The following DEAF1 variants were observed in gnomAD, a reference collection of about 807,000 sequenced individuals.
DEAF1 encodes deformed epidermal autoregulatory factor 1 homolog.
A neutral mutation model predicts 58.9 loss-of-function variants in DEAF1; 53 were observed. The observed-to-expected ratio is 0.90, with a 90% CI of 0.72 to 1.13. DEAF1 has a LOEUF of 1.13. DEAF1 is among the 50% of genes most tolerant of loss of function. The pLI is 0.00. For synonymous variants in DEAF1, 385 were observed against 340.4 expected (o/e 1.13, Z -1.44); for missense variants, 685 against 791.4 (o/e 0.87, Z 1.61).
At chr11:661,397 G>A (rs1366209940) in intron 10 of DEAF1, among the ~76,000 whole-genome samples, 1 of 151,242 alleles carries the variant, frequency 6.6e-6, no homozygotes, top group Non-Finnish European at 1.5e-5. Context: ...GGCTACATTT[G>A]ATTTTTTTTT....
chr11:667,254 G>GGCT (rs1004385122), intron 10 of DEAF1, among the ~76,000 whole-genome samples: 1 of 151,886 alleles, frequency 6.6e-6, no homozygotes, highest in African/African-American at 2.4e-5. Flanking sequence ...AGGAACTCAA[G>GGCT]GCTGCATTGA....
intron 1 of DEAF1, chr11:705,145 A>G (rs1055831491): frequency 3.2e-5 from 6 of 190,016 alleles, no homozygotes; most frequent in African/African-American, 1.4e-4. Flanking sequence ...TGCTCCGGCC[A>G]GCCCAGGGTA....
rs144890797 is a variant in DEAF1 at position 663,050 on chromosome 11, C to A, written c.1504-8999G>T. On this transcript the variant is annotated intron_variant, in intron 10 of 11. Transcript: ENST00000382409. ...CCTGGGGGCCAGAAGCAGGGGCTCA[C>A]GCCTAGAGTCCCAGCACTCTGGGAG... Among the ~76,000 whole-genome samples the A allele has an allele frequency of 3.3e-5, 5 of 152,222 alleles. No individual in the cohort carries two copies. In the South Asian group the frequency reaches 6.2e-4, roughly 19 times the overall value.
At position 679,758 on chromosome 11, in the gene DEAF1, C is replaced by T. The variant is rs375262889; in HGVS notation, c.1056G>A (p.Ala352=). Residue 352 remains alanine, a synonymous_variant, in exon 8 of 12, where the codon GCG becomes GCA. Transcript: ENST00000382409. The stretch of plus-strand genomic sequence containing the variant: ...TGACAGCAGTGGCCTCTACCGTGGA[C>T]GCTCGGTCAAAGGTCAGTGCCCCCG... ...TTSGALTFDR[A]STVEATAVIS... is the part of the protein sequence containing the mutation. The T allele has an allele frequency of 1.2e-5, 20 of 1,613,770 alleles. No individual in the cohort carries two copies. The highest frequency in any genetic ancestry group is 3.3e-5 in the South Asian group (3 of 91,094).
At chr11:704,013 T>C in intron 1 of DEAF1, 1 of 1,203,290 alleles carries the variant, frequency 8.3e-7, no homozygotes, top group Non-Finnish European at 1.0e-6. Context: ...TACAGTAGCT[T>C]TCCCTTCACT....
intron 10 of DEAF1, among the ~76,000 whole-genome samples, chr11:670,122 G>A (rs1312019053): frequency 6.6e-6 from 1 of 151,816 alleles, no homozygotes; most frequent in African/African-American, 2.4e-5. Flanking sequence ...CATGGGGCAG[G>A]GGACCGATGG....
chr11:705,566 A>G (rs1042087571), intron 1 of DEAF1: 2 of 154,330 alleles, frequency 1.3e-5, no homozygotes, highest in African/African-American at 2.4e-5. Context: ...GGCTGGGCAG[A>G]AAGGGGGGCC....
chr11:688,309 T>C lies in DEAF1; in HGVS notation c.517+22A>G. The C allele has an allele frequency of 2.5e-6, 4 of 1,610,866 alleles. No homozygotes were observed. The South Asian group carries it at 4.4e-5, about 18-fold the overall frequency. Reference sequence around the variant, plus strand: ...TCTGAAACGTGTTTTGCCCGAGGCCTGGGGTGCAGGCACCGCTGTACCTGG... The same window carrying C: ...TCTGAAACGTGTTTTGCCCGAGGCCCGGGGTGCAGGCACCGCTGTACCTGG... On this transcript the variant is annotated intron_variant, in intron 3 of 11. Transcript: ENST00000382409. This position sits in a 1 kb window ranked among gnomAD's most constrained non-coding sequence, Gnocchi z 4.3.
chr11:696,948 G>A (rs1461185390), upstream of DEAF1, among the ~76,000 whole-genome samples: 1 of 149,526 alleles, frequency 6.7e-6, no homozygotes, highest in African/African-American at 2.5e-5. Flanking sequence ...GCGTGATGGT[G>A]CATGCCTGTA....
At position 688,552 on chromosome 11, in the gene DEAF1, C is replaced by T; in HGVS notation, c.388-92G>A. 1 of 1,534,646 alleles carries T rather than the reference C, an allele frequency of 6.5e-7. No individual in the cohort carries two copies. The highest frequency in any genetic ancestry group is 1.9e-4 in the Middle Eastern group (1 of 5,390). On this transcript the variant is annotated intron_variant, in intron 2 of 11. Transcript: ENST00000382409. The surrounding 1 kb of genome is among the most constrained non-coding windows in gnomAD (Gnocchi z 4.3). Reference sequence around the variant, plus strand: ...CTGGGCCGTCCTCCAGCAGGGCTCTCTGGCTGTTCTCACCAAGAAGGGACG... The same window carrying T: ...CTGGGCCGTCCTCCAGCAGGGCTCTTTGGCTGTTCTCACCAAGAAGGGACG...
rs1861065405 is a variant in DEAF1 at position 695,145 on chromosome 11, G to A, written c.-98C>T. 2 of 1,173,036 alleles carry A rather than the reference G, an allele frequency of 1.7e-6. No homozygotes were observed. Among genetic ancestry groups the A allele is most frequent in the Admixed American group, 3.9e-5 (1 of 25,366 alleles). The allele number at this position is 1,173,036 out of a possible 1,614,324, so 72.7% of individuals were successfully genotyped here. On this transcript the variant is annotated 5_prime_UTR_variant, in exon 1 of 12. Coordinates refer to ENST00000382409, the MANE Select transcript of DEAF1 (RefSeq NM_021008.4). ...GGGCCCGAAGAGGACGCCCGAGCTG[G>A]GCCGAGGCCGCCCGAAGCCGCCGCC...
At chr11:695,617 G>A (rs1861094759), upstream of DEAF1, 3 of 1,244,542 alleles carry the variant, frequency 2.4e-6, no homozygotes, top group East Asian at 6.3e-5. Context: ...GAATGCTCCC[G>A]AACGTCGGTT....
chr11:690,269 GGC>G (rs1451922597), intron 2 of DEAF1, among the ~76,000 whole-genome samples: 155 of 4,098 alleles, frequency 0.038, 8 homozygotes, highest in East Asian at 0.11. Context: ...GGGAGGGCAG[GGC>G]AGGGGAGGGC....
At chr11:690,825 G>C (rs1860802660) in intron 2 of DEAF1, among the ~76,000 whole-genome samples, 1 of 152,204 alleles carries the variant, frequency 6.6e-6, no homozygotes, top group African/African-American at 2.4e-5. Flanking sequence ...AGGCTGAAAA[G>C]ACTACAAGTA....
rs1210296859 is a variant in DEAF1 at position 675,962 on chromosome 11, A to G, written c.1256-1179T>C. Among the ~76,000 whole-genome samples the G allele has an allele frequency of 6.6e-5, 3 of 45,232 alleles. No individual in the cohort carries two copies. The East Asian group carries it at 2.2e-3, about 33-fold the overall frequency. 29.7% of individuals were successfully genotyped at this position (45,232 alleles called of 152,430 possible). A position where few individuals can be genotyped will look rare whatever the true frequency, so the allele number is the denominator to read the frequency against. On this transcript the variant is annotated intron_variant, in intron 9 of 11. Coordinates refer to ENST00000382409, the MANE Select transcript of DEAF1 (RefSeq NM_021008.4). ...GACATCCCCCAGCACGCAGCCTGAC[A>G]TCCCCCGGCACCCGACATCCCCCGG...
rs1860400456 is a variant in DEAF1, at chr11:682,076, G to A, written c.871-987C>T. 2.6e-5 allele frequency among the ~76,000 whole-genome samples: 4 copies of A among 152,210 alleles called. No homozygotes were observed. The South Asian group carries it at 6.2e-4, about 24-fold the overall frequency. ...GTACGGAGCTGGACTATCTTACTGAGCCTGTTCTCCTGGGGCGGCCTCGGC... is the reference window on the plus strand; with the variant it reads ...GTACGGAGCTGGACTATCTTACTGAACCTGTTCTCCTGGGGCGGCCTCGGC... On this transcript the variant is annotated intron_variant, in intron 6 of 11. Transcript: ENST00000382409.
chr11:704,422 G>A (rs1382271196), intron 1 of DEAF1: 9 of 1,285,646 alleles, frequency 7.0e-6, no homozygotes, highest in Non-Finnish European at 9.1e-6. Context: ...GACTTCCTTT[G>A]ACCTGTCTGT....
intron 1 of DEAF1, among the ~76,000 whole-genome samples, chr11:692,841 G>A (rs1368029877): frequency 7.0e-6 from 1 of 143,514 alleles, no homozygotes; most frequent in African/African-American, 2.5e-5. Flanking sequence ...CAACAAGAGC[G>A]AAACTCCGTC....
intron 1 of DEAF1, chr11:704,606 C>T (rs1420373274): frequency 1.7e-6 from 2 of 1,199,914 alleles, no homozygotes; most frequent in Admixed American, 5.8e-5. Flanking sequence ...CAGGGAAGGA[C>T]CCCCTCCCTG....
Sources: gnomAD v4.1 joint callset for allele counts (sites outside exome capture counted in the v4.1 genomes callset) on GRCh38, gnomAD v4.1.1 for gene constraint, Gnocchi (gnomAD v3.1) non-coding constraint, MANE v1.5 for transcripts, NCBI Gene and HGNC (gene_info 2026-07-23, HGNC 2026-07-21) for gene names.